KCP: variants seen among roughly 807,000 people sequenced by gnomAD.
The protein encoded by KCP is kielin/chordin-like protein.
KCP carries 194 observed loss-of-function variants against 212.7 expected under a neutral mutation model. That is an observed-to-expected ratio of 0.91 (90% confidence interval 0.81 to 1.03). KCP has a LOEUF of 1.03. Among genes scored for constraint, KCP ranks in the 50% least tolerant of loss-of-function variants. KCP has a pLI of 0.00. For missense variants in KCP, 2,080 were observed against 2,162.5 expected, an observed-to-expected ratio of 0.96 and a Z score of 0.76; for synonymous variants, 833 against 865.3, an observed-to-expected ratio of 0.96 and a Z score of 0.65.
Position 128,885,238 on chromosome 7 carries a change from C to T in KCP, c.2899G>A (p.Gly967Ser), listed in dbSNP as rs137960461. The T allele has an allele frequency of 7.4e-4, 1,143 of 1,548,828 alleles. 2 individuals are homozygous for T. Among genetic ancestry groups the T allele is most frequent in the Middle Eastern group, 7.2e-3 (43 of 5,978 alleles). Residue 967 changes from glycine to serine, a missense_variant, in exon 27 of 40, where the codon GGC (glycine) becomes AGC (serine). Physicochemically the swap from Gly to Ser is moderately conservative, Grantham distance 56. Transcript: ENST00000610776. ...CLAHGEEHPE[G>S]SRWVPPDSAC... The stretch of plus-strand genomic sequence containing the variant: ...CTGTCGGGGGGCACCCATCTACTGC[C>T]TTCGGGGTGCTCTTCCCCATGAGCC...
intron 11 of KCP, 102 bp downstream of exon 11, chr7:128,893,704 G>T: frequency 7.7e-7 from 1 of 1,294,576 alleles, no homozygotes; most frequent in African/African-American, 1.5e-5. Flanking sequence ...TTTGGGAACA[G>T]GGTAACAGGG....
At chr7:128,887,611 AC>A (rs367552880) in intron 22 of KCP, among the ~76,000 whole-genome samples, 160 of 143,224 alleles carry the variant, frequency 1.1e-3, no homozygotes, top group African/African-American at 3.9e-3. Context: ...CCACACCTAC[AC>A]CCCCCCACAC....
At position 128,890,515 on chromosome 7, in the gene KCP, T is replaced by A. The variant is rs1244807698; in HGVS notation, c.2165-2A>T. On this transcript the variant is annotated splice_acceptor_variant, in intron 20 of 39. Transcript: ENST00000610776. LOFTEE classifies it high-confidence loss of function. ...ACTCCTTCCCCTGGTACAGGCAGCC[T>A]GGGGAGAAGGGCAGGGGCTGGGGGG... 3.3e-6 allele frequency: 5 copies of A among 1,536,008 alleles called. No homozygotes were observed. Among genetic ancestry groups the A allele is most frequent in the Non-Finnish European group, 4.4e-6 (5 of 1,141,730 alleles).
At chr7:128,878,862 G>C (rs1242922836) in intron 37 of KCP, 140 bp from the exon 38 acceptor site, 3 of 837,740 alleles carry the variant, frequency 3.6e-6, no homozygotes, top group Non-Finnish European at 3.6e-6. Context: ...GGCTCCCCTT[G>C]GAAGAAACAC....
Position 128,878,254 on chromosome 7 carries a change from C to T in KCP, c.4311+304G>A, listed in dbSNP as rs180851479. On this transcript the variant is annotated intron_variant, in intron 38 of 39. Transcript: ENST00000610776. ...TGTATTTTTAGTAGAGATGGGGTTTCTCCATGTTGGTCAGGCTGGTTTCAA... is the reference window on the plus strand; with the variant it reads ...TGTATTTTTAGTAGAGATGGGGTTTTTCCATGTTGGTCAGGCTGGTTTCAA... Among the ~76,000 whole-genome samples the T allele has an allele frequency of 4.9e-3, 745 of 152,136 alleles. 9 individuals are homozygous for T. Among genetic ancestry groups the T allele is most frequent in the African/African-American group, 0.017 (713 of 41,504 alleles).
In KCP at chr7:128,907,343, C is replaced by A; in HGVS notation, c.330G>T (p.Glu110Asp). ...GRAWPEGARW[E>D]PDACTACVCQ... ...AGACGCAGGCTGTGCAGGCGTCAGG[C>A]TCCCAGCGTGCCCCCTCGGGCCAGG... The change falls in exon 3 of 40, where the codon GAG becomes GAT. Residue 110 changes from glutamate (E) to aspartate (D), a missense_variant. Glu to Asp is a conservative substitution (Grantham distance 45). Coordinates refer to ENST00000610776, the MANE Select transcript of KCP (RefSeq NM_001366122.1). The A allele has an allele frequency of 5.8e-6, 9 of 1,543,374 alleles. No individual in the cohort carries two copies. The highest frequency in any genetic ancestry group is 7.9e-6 in the Non-Finnish European group (9 of 1,140,996).
At chr7:128,890,246 T>A (rs1794005791) in intron 21 of KCP, 97 bp downstream of exon 21, 12 of 1,543,968 alleles carry the variant, frequency 7.8e-6, no homozygotes, top group Non-Finnish European at 1.1e-5. Context: ...CTGTAATAAA[T>A]ATTTTAGATC....
chr7:128,878,744 T>C (rs372470738), intron 37 of KCP, 22 bp from the exon 38 acceptor site: 2 of 1,544,516 alleles, frequency 1.3e-6, no homozygotes, highest in Non-Finnish European at 1.7e-6. Context: ...GGCCTGAGAC[T>C]GGGGAGCAGG....
chr7:128,888,181 CACACAGTCACACATACACACACAGAT>C (rs1458274367), intron 22 of KCP, among the ~76,000 whole-genome samples: 1 of 150,840 alleles, frequency 6.6e-6, no homozygotes, highest in Non-Finnish European at 1.5e-5. Flanking sequence ...CACACATATA[CACACAGTCACACATACACACACAGAT>C]ACACAGCCAC....
At chr7:128,907,598 G>GCTCAAACGATCACCATT in intron 2 of KCP, 145 bp from the exon 3 acceptor site, 1 of 522,678 alleles carries the variant, frequency 1.9e-6, no homozygotes, top group Middle Eastern at 5.1e-4. Flanking sequence ...TCAGCATCCA[G>GCTCAAACGATCACCATT]CTCAAACGAT....
At position 128,877,164 on chromosome 7, in the gene KCP, C is replaced by T; in HGVS notation, c.4766G>A (p.Gly1589Asp). 1 of 1,495,170 alleles carries T rather than the reference C, an allele frequency of 6.7e-7. No homozygotes were observed. The highest frequency in any genetic ancestry group is 1.4e-5 in the African/African-American group (1 of 70,552). The allele number at this position is 1,495,170 out of a possible 1,614,324, so 92.6% of individuals were successfully genotyped here. Reference protein sequence around the residue: ...PCVPGCQCPAGLVEHEAHCIP... With the variant: ...PCVPGCQCPADLVEHEAHCIP... ...GCAGTGGGCCTCATGCTCCACCAGG[C>T]CTGCAGGGCACTGGCAGCCGGGCAC... Residue 1589 changes from glycine (G) to aspartate (D), a missense_variant, in exon 40 of 40, where the codon GGC becomes GAC. Transcript: ENST00000610776.
In KCP at chr7:128,891,472, G is replaced by A. The variant is rs915608179; in HGVS notation, c.1857C>T (p.Pro619=). The A allele has an allele frequency of 2.3e-5, 35 of 1,550,378 alleles. No individual in the cohort carries two copies. The African/African-American group carries it at 4.4e-4, about 19-fold the overall frequency. ...SGADFPHPSD[P]CRLCRCLSGN... is the part of the protein sequence containing the mutation. ...TCACCAGACAGCGACACAGACGGCA[G>A]GGGTCAGAGGGGTGGGGGAAGTCCG... is the stretch of plus-strand genomic sequence containing the variant. The change falls in exon 18 of 40, where the codon CCC becomes CCT. Residue 619 remains proline, a synonymous_variant. Coordinates refer to ENST00000610776, the MANE Select transcript of KCP (RefSeq NM_001366122.1).
At chr7:128,880,778 AT>A in intron 32 of KCP, 57 bp from the exon 33 acceptor site, 1 of 404,490 alleles carries the variant, frequency 2.5e-6, no homozygotes. Flanking sequence ...CCCCAGCCTC[AT>A]GCTTCTGGGG....
rs893635524 is a variant in KCP, at chr7:128,880,997, A to G, written c.3513T>C (p.His1171=). Residue 1171 remains histidine, a splice_region_variant and synonymous_variant, in exon 32 of 40, where the codon CAT becomes CAC. Coordinates refer to ENST00000610776, the MANE Select transcript of KCP (RefSeq NM_001366122.1). ...PSNACIACTC[H]RGHVECHLEE... Reference sequence around the variant, plus strand: ...CCCTCCCAGGCCCACCCCAGCTCACATGGCAGGTGCAGGCGATGCACGCAT... The same window carrying G: ...CCCTCCCAGGCCCACCCCAGCTCACGTGGCAGGTGCAGGCGATGCACGCAT... 2 of 398,758 alleles carry G rather than the reference A, an allele frequency of 5.0e-6. No homozygotes were observed. The highest frequency in any genetic ancestry group is 1.3e-4 in the South Asian group (1 of 7,878). 24.7% of individuals were successfully genotyped at this position (398,758 alleles called of 1,614,324 possible).
Position 128,881,019 on chromosome 7 carries a change from G to A in KCP, c.3491C>T (p.Ala1164Val), listed in dbSNP as rs1484502386. 5.0e-6 allele frequency: 2 copies of A among 398,782 alleles called. No individual in the cohort carries two copies. Among genetic ancestry groups the A allele is most frequent in the South Asian group, 1.3e-4 (1 of 7,882 alleles). 24.7% of individuals were successfully genotyped at this position (398,782 alleles called of 1,614,324 possible). ...CACATGGCAGGTGCAGGCGATGCAC[G>A]CATTGCTGGGGTCCCGCCAGCTCTC... is the stretch of plus-strand genomic sequence containing the variant. ...DGESWRDPSN[A>V]CIACTCHRGH... The change falls in exon 32 of 40, where the codon GCG becomes GTG. Residue 1164 changes from alanine (A) to valine (V), a missense_variant. Coordinates refer to ENST00000610776, the MANE Select transcript of KCP (RefSeq NM_001366122.1).
rs556571529 is a variant in KCP, at chr7:128,892,593, T to C, written c.1542A>G (p.Thr514=). 16 of 1,550,924 alleles carry C rather than the reference T, an allele frequency of 1.0e-5. No individual in the cohort carries two copies. The Middle Eastern group carries it at 5.0e-4, about 49-fold the overall frequency. ...HACHCQDGTV[T]CSLVDCPPTT... ...TGGGAGGGCAGTCAACCAAGGAGCATGTCACAGTTCCATCCTGCGAGAGAG... is the reference window on the plus strand; with the variant it reads ...TGGGAGGGCAGTCAACCAAGGAGCACGTCACAGTTCCATCCTGCGAGAGAG... Residue 514 remains threonine, a synonymous_variant, in exon 16 of 40, where the codon ACA becomes ACG. Transcript: ENST00000610776.
intron 8 of KCP, among the ~76,000 whole-genome samples, chr7:128,896,733 A>G (rs1794547871): frequency 6.6e-6 from 1 of 152,030 alleles, no homozygotes; most frequent in African/African-American, 2.4e-5. Context: ...TCTACTAAAA[A>G]TACAAAAATT....
chr7:128,887,276 G>GT lies in KCP; in HGVS notation c.2536dup (p.Thr846AsnfsTer9). The GT allele has an allele frequency of 6.4e-7, 1 of 1,551,378 alleles. No individual in the cohort carries two copies. Among genetic ancestry groups the GT allele is most frequent in the Non-Finnish European group, 8.7e-7 (1 of 1,146,824 alleles). ...GTCAGGAAGGGTCTCTCCGGAGGCA[G>GT]TAGTGACGCCATGGTAGCGGCATCC... On this transcript the variant is annotated frameshift_variant, in exon 23 of 40. Coordinates refer to ENST00000610776, the MANE Select transcript of KCP (RefSeq NM_001366122.1). LOFTEE classifies it high-confidence loss of function.
Position 128,881,694 on chromosome 7 carries a change from C to A in KCP, c.3356G>T (p.Cys1119Phe). The A allele has an allele frequency of 1.3e-6, 2 of 1,525,922 alleles. No individual in the cohort carries two copies. Among genetic ancestry groups the A allele is most frequent in the Non-Finnish European group, 8.8e-7 (1 of 1,140,808 alleles). 94.5% of individuals were successfully genotyped at this position (1,525,922 alleles called of 1,614,324 possible). A position where few individuals can be genotyped will look rare whatever the true frequency, so the allele number is the denominator to read the frequency against. ...DLTWLCIHQA[C>F]PELSCPLSER... ...TGAGAGGGGACAGCTGAGCTCAGGA[C>A]AAGCCTGGTGGATGCAGAGCCATGT... is the stretch of plus-strand genomic sequence containing the variant. The change falls in exon 31 of 40, where the codon TGT (cysteine) becomes TTT (phenylalanine). Residue 1119 changes from cysteine to phenylalanine, a missense_variant. Coordinates refer to ENST00000610776, the MANE Select transcript of KCP (RefSeq NM_001366122.1).
Sources: allele counts gnomAD v4.1 joint callset (sites outside exome capture counted in the v4.1 genomes callset), GRCh38; gene constraint gnomAD v4.1.1; transcripts MANE v1.5; gene names NCBI Gene and HGNC (gene_info 2026-07-23, HGNC 2026-07-21).